Variants in EPHB1 observed in about 807,000 individuals in gnomAD.
EPHB1 encodes the protein EPH receptor B1.
EPHB1 carries 30 observed loss-of-function variants against 94.4 expected under a neutral mutation model. The observed-to-expected ratio is 0.32, with a 90% CI of 0.24 to 0.43. The LOEUF is 0.43. EPHB1 is among the 20% of genes least tolerant of loss of function. The pLI is 1.00. For missense variants in EPHB1, 1,055 were observed against 1,308.3 expected, an observed-to-expected ratio of 0.81 and a Z score of 2.99; for synonymous variants, 522 against 489.1, an observed-to-expected ratio of 1.07 and a Z score of -0.89.
At chr3:135,254,967 T>G (rs1576505801) in intron 15 of EPHB1, among the ~76,000 whole-genome samples, 1 of 152,334 alleles carries the variant, frequency 6.6e-6, no homozygotes, top group African/African-American at 2.4e-5. Context: ...GTCAAGGAAT[T>G]TATCCATTTC....
chr3:135,228,135 G>A (rs750370084), intron 12 of EPHB1, among the ~76,000 whole-genome samples: 7 of 150,834 alleles, frequency 4.6e-5, no homozygotes, highest in African/African-American at 9.8e-5. Context: ...CCTTTTTTTC[G>A]CTCTAGTACA....
intron 1 of EPHB1, among the ~76,000 whole-genome samples, chr3:134,818,102 G>T (rs540618355): frequency 7.2e-5 from 11 of 152,210 alleles, no homozygotes; most frequent in Non-Finnish European, 1.5e-4. Flanking sequence ...AAGAGGGAAG[G>T]CATGTCCAGG....
At chr3:135,080,650 G>A (rs930177606) in intron 3 of EPHB1, among the ~76,000 whole-genome samples, 1 of 152,058 alleles carries the variant, frequency 6.6e-6, no homozygotes, top group African/African-American at 2.4e-5. Context: ...TAGGATTTGA[G>A]TGCTGTTGAG....
chr3:134,813,683 C>A (rs927142240), intron 1 of EPHB1, among the ~76,000 whole-genome samples: 30 of 152,292 alleles, frequency 2.0e-4, no homozygotes, highest in African/African-American at 6.7e-4. Flanking sequence ...ATAGAGAATG[C>A]CTTTGGCTCA....
At chr3:134,965,254 A>G (rs1933687973) in intron 3 of EPHB1, among the ~76,000 whole-genome samples, 1 of 152,142 alleles carries the variant, frequency 6.6e-6, no homozygotes, top group African/African-American at 2.4e-5. Context: ...CATTCCAGAT[A>G]CTCATTAAGA....
intron 12 of EPHB1, among the ~76,000 whole-genome samples, chr3:135,215,892 T>C (rs1270717117): frequency 6.6e-6 from 1 of 152,202 alleles, no homozygotes; most frequent in African/African-American, 2.4e-5. Flanking sequence ...ATTGAAACCG[T>C]TTCAGGGAGC....
At chr3:135,181,542 G>A (rs1228798338) in intron 10 of EPHB1, among the ~76,000 whole-genome samples, 3 of 152,156 alleles carry the variant, frequency 2.0e-5, no homozygotes, top group Admixed American at 1.3e-4. Flanking sequence ...CCTGTACTCT[G>A]TTTGCTCGTG....
intron 12 of EPHB1, among the ~76,000 whole-genome samples, chr3:135,207,332 T>C (rs1942923534): frequency 6.6e-6 from 1 of 152,220 alleles, no homozygotes; most frequent in Non-Finnish European, 1.5e-5. Context: ...TTATTCAAAA[T>C]AGAAAAAATT....
At chr3:134,917,383 G>A (rs1490795177) in intron 1 of EPHB1, among the ~76,000 whole-genome samples, 1 of 152,186 alleles carries the variant, frequency 6.6e-6, no homozygotes, top group Non-Finnish European at 1.5e-5. Flanking sequence ...TGCTTCTCTG[G>A]AAGTCTACCT....
intron 3 of EPHB1, among the ~76,000 whole-genome samples, chr3:135,053,887 G>A (rs781758376): frequency 6.6e-6 from 1 of 152,048 alleles, no homozygotes; most frequent in African/African-American, 2.4e-5. Flanking sequence ...AGCTACTTGG[G>A]AGGCTAAGGC....
rs192975320 is a variant in EPHB1 at position 134,846,422 on chromosome 3, C to T, written c.58+50733C>T. Among the ~76,000 whole-genome samples, 320 of 152,306 alleles carry T rather than the reference C, an allele frequency of 2.1e-3. 1 individual carries two copies. Among genetic ancestry groups the T allele is most frequent in the African/African-American group, 7.1e-3 (296 of 41,556 alleles). On this transcript the variant is annotated intron_variant, in intron 1 of 15. Transcript: ENST00000398015. The stretch of plus-strand genomic sequence containing the variant: ...ATAATGCTGCCTTTGCGATACCTTC[C>T]AAGCCTTGCATTATTCCCTCCACGC...
intron 2 of EPHB1, among the ~76,000 whole-genome samples, chr3:134,944,510 A>G (rs1472060849): frequency 2.6e-5 from 4 of 152,122 alleles, no homozygotes; most frequent in African/African-American, 9.7e-5. Flanking sequence ...CCTATACCTT[A>G]TTTTCTTTTA....
At chr3:134,907,371 C>G (rs13091629) in intron 1 of EPHB1, among the ~76,000 whole-genome samples, 1 of 152,162 alleles carries the variant, frequency 6.6e-6, no homozygotes, top group Non-Finnish European at 1.5e-5. Context: ...AGCTTTGCAT[C>G]ATTTTTCTAA....
chr3:135,173,743 C>T (rs1251632638), intron 9 of EPHB1, among the ~76,000 whole-genome samples: 1 of 152,260 alleles, frequency 6.6e-6, no homozygotes. Context: ...TCCAGCTCCA[C>T]TCTTCTGACT....
chr3:134,848,684 C>T (rs1261859975), intron 1 of EPHB1, among the ~76,000 whole-genome samples: 2 of 152,198 alleles, frequency 1.3e-5, no homozygotes, highest in Non-Finnish European at 2.9e-5. Flanking sequence ...CAGGCTGTCA[C>T]GCTTTCTCTC....
chr3:134,949,965 C>G (rs536996153), intron 2 of EPHB1, among the ~76,000 whole-genome samples: 235 of 152,302 alleles, frequency 1.5e-3, no homozygotes, highest in Non-Finnish European at 2.7e-3. Context: ...CCCTCCAACC[C>G]TCATTGCCTG....
chr3:135,214,297 T>G (rs1302689185), intron 12 of EPHB1, among the ~76,000 whole-genome samples: 1 of 152,168 alleles, frequency 6.6e-6, no homozygotes, highest in Non-Finnish European at 1.5e-5. Context: ...TGGTGGTTGC[T>G]GCCCCTCTTT....
At chr3:134,899,405 C>T (rs2038152443) in intron 1 of EPHB1, among the ~76,000 whole-genome samples, 1 of 152,174 alleles carries the variant, frequency 6.6e-6, no homozygotes, top group Non-Finnish European at 1.5e-5. Context: ...CCAAAACACC[C>T]AGATCTTGCA....
rs1356149441 is a variant in EPHB1 at position 135,206,397 on chromosome 3, CA to C, written c.2346+4709del. 3.3e-5 allele frequency among the ~76,000 whole-genome samples: 5 copies of C among 152,182 alleles called. No individual in the cohort carries two copies. The East Asian group carries it at 9.6e-4, about 29-fold the overall frequency. On this transcript the variant is annotated intron_variant, in intron 12 of 15. Transcript: ENST00000398015. ...ATTCATTTTTTATTGAATCATATGT[CA>C]TCCTTGACATATTAAGTTCATTATA...
Sources: gnomAD v4.1 joint callset for allele counts (sites outside exome capture counted in the v4.1 genomes callset) on GRCh38, gnomAD v4.1.1 for gene constraint, MANE v1.5 for transcripts, NCBI Gene and HGNC (gene_info 2026-07-23, HGNC 2026-07-21) for gene names.